Variants in NTPCR observed in about 807,000 individuals in gnomAD.
The protein encoded by NTPCR is cancer-related nucleoside-triphosphatase.
Under a neutral mutation model 19.5 loss-of-function variants are expected in NTPCR, and 15 were observed. That is an observed-to-expected ratio of 0.77 (90% confidence interval 0.51 to 1.18). The LOEUF (loss-of-function observed/expected upper bound fraction) is 1.18. Ranked by LOEUF, NTPCR falls within the 50% of genes most tolerant of loss-of-function variation. The pLI is 0.00. For synonymous variants in NTPCR, 90 were observed against 95.8 expected, an observed-to-expected ratio of 0.94 and a Z score of 0.36; for missense variants, 206 against 240.4, an observed-to-expected ratio of 0.86 and a Z score of 0.95.
Position 232,970,118 on chromosome 1 carries a change from T to G in NTPCR, c.504T>G (p.Asn168Lys). Residue 168 changes from asparagine (N) to lysine (K), a missense_variant and splice_region_variant, in exon 4 of 5, where the codon AAT becomes AAG. Coordinates refer to ENST00000366628, the MANE Select transcript of NTPCR (RefSeq NM_032324.3). Reference sequence around the variant, plus strand: ...ACAGAAAGGATGTGAAGGTGTTTAATGTGAGTACAGCCAGTCCTCCATAAT... The same window carrying G: ...ACAGAAAGGATGTGAAGGTGTTTAAGGTGAGTACAGCCAGTCCTCCATAAT... ...IRNRKDVKVF[N>K]VTKENRNHLL... is the part of the protein sequence containing the mutation. 6.2e-7 allele frequency: 1 copy of G among 1,611,192 alleles called. No individual in the cohort carries two copies. The highest frequency in any genetic ancestry group is 8.5e-7 in the Non-Finnish European group (1 of 1,178,072).
At position 232,980,459 on chromosome 1, in the gene NTPCR, G is replaced by T. The variant is rs367957975; in HGVS notation, c.*2228G>T. The stretch of plus-strand genomic sequence containing the variant: ...GGCTTTAGCATTTTTAGTGTGTTTT[G>T]TGCCCCCAGACCTCAGAGTTGACAT... On this transcript the variant is annotated 3_prime_UTR_variant, in exon 5 of 5. Coordinates refer to ENST00000366628, the MANE Select transcript of NTPCR (RefSeq NM_032324.3). 120 of 152,274 alleles carry T rather than the reference G, an allele frequency of 7.9e-4. 1 individual carries two copies. The highest frequency in any genetic ancestry group is 2.8e-3 in the African/African-American group (115 of 41,548). 9.4% of individuals were successfully genotyped at this position (152,274 alleles called of 1,614,324 possible).
At chr1:232,976,443 G>A (rs766937722) in intron 4 of NTPCR, 12 of 1,550,624 alleles carry the variant, frequency 7.7e-6, no homozygotes, top group Non-Finnish European at 1.0e-5. Flanking sequence ...TGCAATCACT[G>A]CTGAACTCAG....
rs972437062 is a variant in NTPCR, at chr1:232,961,826, CTGTT to C, written c.294+5388_294+5391del. 8.5e-5 allele frequency: 13 copies of C among 152,190 alleles called. No individual in the cohort carries two copies. In the East Asian group the frequency reaches 1.5e-3, roughly 18 times the overall value. The allele number at this position is 152,190 out of a possible 1,614,324, so 9.4% of individuals were successfully genotyped here. ...CAGATATTTAGCCAGTTTACTAAAA[CTGTT>C]TGTTAAATAACCCATTTCTAATTAG... On this transcript the variant is annotated intron_variant, in intron 3 of 4. Transcript: ENST00000366628.
rs1669310297 is a variant in NTPCR, at chr1:232,982,548, TGAA to T, written c.*4322_*4324del. Reference sequence around the variant, plus strand: ...GATAAGCAATGAACAGAATAACTGTTGAAGAAGCACCTCATGAACCTCCCCAGA... The same window carrying T: ...GATAAGCAATGAACAGAATAACTGTTGAAGCACCTCATGAACCTCCCCAGA... On this transcript the variant is annotated 3_prime_UTR_variant, in exon 5 of 5. Transcript: ENST00000366628. 1 of 152,234 alleles carries T rather than the reference TGAA, an allele frequency of 6.6e-6. No individual in the cohort carries two copies. The highest frequency in any genetic ancestry group is 2.4e-5 in the African/African-American group (1 of 41,458). 9.4% of individuals were successfully genotyped at this position (152,234 alleles called of 1,614,324 possible).
chr1:232,960,461 A>G lies in NTPCR; in HGVS notation c.294+4018A>G, dbSNP rs1376349354. Among the ~76,000 whole-genome samples the G allele has an allele frequency of 4.6e-5, 7 of 151,482 alleles. No individual in the cohort carries two copies. The East Asian group carries it at 1.4e-3, about 30-fold the overall frequency. ...AGGGTTCAAGCGATTCTTGTGCCTC[A>G]GCCTCCCGAGTAGCTGGGATTACAG... On this transcript the variant is annotated intron_variant, in intron 3 of 4. Coordinates refer to ENST00000366628, the MANE Select transcript of NTPCR (RefSeq NM_032324.3).
chr1:232,954,566 C>T (rs1668461811), intron 1 of NTPCR, among the ~76,000 whole-genome samples: 1 of 152,114 alleles, frequency 6.6e-6, no homozygotes, highest in Admixed American at 6.5e-5. Context: ...AGGTAAAGTC[C>T]CCTGTTGAAA....
chr1:232,955,912 C>G (rs1013614195), intron 2 of NTPCR, among the ~76,000 whole-genome samples, 193 bp downstream of exon 2: 1 of 152,116 alleles, frequency 6.6e-6, no homozygotes, highest in Non-Finnish European at 1.5e-5. Flanking sequence ...GTCATCTATC[C>G]TCAAGAATCT....
intron 1 of NTPCR, among the ~76,000 whole-genome samples, chr1:232,953,319 C>G (rs982938871): frequency 1.3e-5 from 2 of 152,184 alleles, no homozygotes; most frequent in African/African-American, 4.8e-5. Context: ...CAGCTATCAT[C>G]TCGAGGTCTC....
rs1249955388 is a variant in NTPCR at position 232,980,410 on chromosome 1, C to T, written c.*2179C>T. On this transcript the variant is annotated 3_prime_UTR_variant, in exon 5 of 5. Coordinates refer to ENST00000366628, the MANE Select transcript of NTPCR (RefSeq NM_032324.3). ...GTGGCTCCAAAGTTCACTCTTTCAT[C>T]ACTCCCTGCTGCGTCCTTCTTGAGG... 5 of 152,220 alleles carry T rather than the reference C, an allele frequency of 3.3e-5. No individual in the cohort carries two copies. Among genetic ancestry groups the T allele is most frequent in the Non-Finnish European group, 7.3e-5 (5 of 68,044 alleles). 9.4% of individuals were successfully genotyped at this position (152,220 alleles called of 1,614,324 possible).
intron 4 of NTPCR, chr1:232,976,579 G>A: frequency 6.8e-7 from 1 of 1,465,046 alleles, no homozygotes. Flanking sequence ...GCATCAAAAA[G>A]CCTTATAGGC....
Position 232,980,468 on chromosome 1 carries a change from G to A in NTPCR, c.*2237G>A, listed in dbSNP as rs1387245074. 1 of 152,170 alleles carries A rather than the reference G, an allele frequency of 6.6e-6. No individual in the cohort carries two copies. The highest frequency in any genetic ancestry group is 1.5e-5 in the Non-Finnish European group (1 of 68,042). The allele number at this position is 152,170 out of a possible 1,614,324, so 9.4% of individuals were successfully genotyped here. On this transcript the variant is annotated 3_prime_UTR_variant, in exon 5 of 5. Coordinates refer to ENST00000366628, the MANE Select transcript of NTPCR (RefSeq NM_032324.3). Reference sequence around the variant, plus strand: ...ATTTTTAGTGTGTTTTGTGCCCCCAGACCTCAGAGTTGACATTTAGCAGTG... The same window carrying A: ...ATTTTTAGTGTGTTTTGTGCCCCCAAACCTCAGAGTTGACATTTAGCAGTG...
intron 4 of NTPCR, chr1:232,976,703 G>A: frequency 1.1e-6 from 1 of 906,902 alleles, no homozygotes. Context: ...TCACAGGATT[G>A]ACGCAGCCAG....
intron 3 of NTPCR, among the ~76,000 whole-genome samples, chr1:232,959,818 A>ATG (rs1021486885): frequency 2.0e-4 from 30 of 151,764 alleles, no homozygotes; most frequent in East Asian, 5.8e-4. Context: ...GGTTGTATGT[A>ATG]TGTGTGTGTG....
intron 4 of NTPCR, among the ~76,000 whole-genome samples, chr1:232,972,863 G>A (rs766408171): frequency 3.9e-5 from 6 of 152,148 alleles, no homozygotes; most frequent in Middle Eastern, 3.2e-3. Flanking sequence ...TTAGTCCATC[G>A]TTTAGGCACC....
rs1669325823 is a variant in NTPCR, at chr1:232,983,142, C to G, written c.*4911C>G. 1 of 152,104 alleles carries G rather than the reference C, an allele frequency of 6.6e-6. No individual in the cohort carries two copies. Among genetic ancestry groups the G allele is most frequent in the African/African-American group, 2.4e-5 (1 of 41,416 alleles). 9.4% of individuals were successfully genotyped at this position (152,104 alleles called of 1,614,324 possible). A position where few individuals can be genotyped will look rare whatever the true frequency, so the allele number is the denominator to read the frequency against. Reference sequence around the variant, plus strand: ...AGAGATTCTCTACAATACCCTTCCCCCAACCCTCTCCTCAAATTTCCAAAT... The same window carrying G: ...AGAGATTCTCTACAATACCCTTCCCGCAACCCTCTCCTCAAATTTCCAAAT... On this transcript the variant is annotated 3_prime_UTR_variant, in exon 5 of 5. Transcript: ENST00000366628.
chr1:232,976,449 C>G, intron 4 of NTPCR: 1 of 1,550,648 alleles, frequency 6.4e-7, no homozygotes, highest in Non-Finnish European at 8.7e-7. Flanking sequence ...CACTGCTGAA[C>G]TCAGAGTGGA....
intron 3 of NTPCR, among the ~76,000 whole-genome samples, chr1:232,958,793 CA>C (rs1255488099): frequency 6.6e-6 from 1 of 152,156 alleles, no homozygotes; most frequent in Admixed American, 6.5e-5. Context: ...TGAAATACTT[CA>C]AATGAAATTC....
intron 3 of NTPCR, chr1:232,968,543 A>G (rs1668884406): frequency 6.6e-6 from 1 of 152,142 alleles, no homozygotes; most frequent in Non-Finnish European, 1.5e-5. Context: ...CGGCTGTGGG[A>G]GAAGATTCCC....
intron 4 of NTPCR, 110 bp downstream of exon 4, chr1:232,970,228 TGC>T: frequency 1.2e-6 from 1 of 850,190 alleles, no homozygotes; most frequent in East Asian, 2.6e-5. Context: ...TTCCCTTCCA[TGC>T]TGAAATGTAG....
Sources: allele counts gnomAD v4.1 joint callset (sites outside exome capture counted in the v4.1 genomes callset), GRCh38; gene constraint gnomAD v4.1.1; transcripts MANE v1.5; gene names NCBI Gene and HGNC (gene_info 2026-07-23, HGNC 2026-07-21).